Variants in GPR158 observed in about 807,000 individuals in gnomAD.
GPR158 encodes metabotropic glycine receptor.
A neutral mutation model predicts 78.2 loss-of-function variants in GPR158; 30 were observed. That is an observed-to-expected ratio of 0.38 (90% CI 0.29 to 0.52). GPR158 has a LOEUF of 0.52. GPR158 is among the 20% of genes least tolerant of loss of function. The pLI, the probability that GPR158 is intolerant of heterozygous loss-of-function variation, is 0.83. For synonymous variants in GPR158, 581 were observed against 591.1 expected (o/e 0.98, Z 0.25); for missense variants, 1,463 against 1,523.5 (o/e 0.96, Z 0.66).
At position 25,450,321 on chromosome 10, in the gene GPR158, T is replaced by C. The variant is rs1835197761; in HGVS notation, c.1336-16330T>C. Among the ~76,000 whole-genome samples, 3 of 150,804 alleles carry C rather than the reference T, an allele frequency of 2.0e-5. No homozygotes were observed. In the South Asian group the frequency reaches 6.3e-4, roughly 32 times the overall value. On this transcript the variant is annotated intron_variant, in intron 4 of 10. Coordinates refer to ENST00000376351, the MANE Select transcript of GPR158 (RefSeq NM_020752.3). ...GAGCTGAGGGGCAAGCCGGGGCTGT[T>C]CTGTGCTGAAGATGCTCTCCATCTT...
intron 4 of GPR158, among the ~76,000 whole-genome samples, chr10:25,425,177 G>T (rs1020220415): frequency 1.3e-5 from 2 of 151,908 alleles, no homozygotes; most frequent in East Asian, 1.9e-4. Flanking sequence ...TTGGCTGTCT[G>T]TTTGTCTGTT....
chr10:25,310,803 T>A (rs1854753120), intron 2 of GPR158, among the ~76,000 whole-genome samples: 1 of 152,074 alleles, frequency 6.6e-6, no homozygotes, highest in Non-Finnish European at 1.5e-5. Flanking sequence ...CTACAACCAG[T>A]TTATGCTAGA....
intron 4 of GPR158, among the ~76,000 whole-genome samples, chr10:25,424,514 T>A (rs1242380360): frequency 6.6e-6 from 1 of 151,404 alleles, no homozygotes; most frequent in African/African-American, 2.4e-5. Flanking sequence ...TTTATGGTTT[T>A]AGGTCTAACA....
intron 2 of GPR158, among the ~76,000 whole-genome samples, chr10:25,233,025 T>C (rs572280404): frequency 1.3e-5 from 2 of 152,262 alleles, no homozygotes; most frequent in Admixed American, 1.3e-4. Context: ...ATGGAGAATA[T>C]TTAGAGCAGT....
At chr10:25,341,835 A>AAAAAAC (rs148411420) in intron 2 of GPR158, among the ~76,000 whole-genome samples, 3 of 151,596 alleles carry the variant, frequency 2.0e-5, no homozygotes, top group Non-Finnish European at 2.9e-5. Context: ...GTATTCTGAA[A>AAAAAAC]AAAAACAAAA....
At chr10:25,367,093 C>T (rs1159400027) in intron 2 of GPR158, among the ~76,000 whole-genome samples, 5 of 151,288 alleles carry the variant, frequency 3.3e-5, no homozygotes, top group Non-Finnish European at 5.9e-5. Flanking sequence ...TGAAGTTTTT[C>T]TTCTTTGTTA....
At chr10:25,359,838 C>T (rs71495440) in intron 2 of GPR158, among the ~76,000 whole-genome samples, 15,101 of 152,214 alleles carry the variant, frequency 0.099, 1,853 homozygotes, top group African/African-American at 0.3. Flanking sequence ...AATCACCACA[C>T]TGTCTTTCAC....
At chr10:25,315,258 C>A (rs563684429) in intron 2 of GPR158, among the ~76,000 whole-genome samples, 1 of 152,130 alleles carries the variant, frequency 6.6e-6, no homozygotes, top group East Asian at 1.9e-4. Context: ...TCTTGCATAT[C>A]TTGTCATTTC....
chr10:25,402,114 TG>T (rs1005710908), intron 3 of GPR158, among the ~76,000 whole-genome samples: 2 of 152,146 alleles, frequency 1.3e-5, no homozygotes, highest in African/African-American at 4.8e-5. Context: ...ACTGACTCTT[TG>T]TGCCTCCTGG....
chr10:25,271,312 A>G (rs1361042778), intron 2 of GPR158, among the ~76,000 whole-genome samples: 2 of 152,206 alleles, frequency 1.3e-5, no homozygotes, highest in Non-Finnish European at 2.9e-5. Context: ...TATTTATGCA[A>G]TGATTTTTAC....
chr10:25,188,061 G>A (rs1189097697), intron 1 of GPR158, among the ~76,000 whole-genome samples: 6 of 152,088 alleles, frequency 3.9e-5, no homozygotes, highest in Non-Finnish European at 7.3e-5. Context: ...AAATACCTAG[G>A]AATCCAACTT....
At chr10:25,232,596 G>A (rs868729342) in intron 2 of GPR158, among the ~76,000 whole-genome samples, 2 of 152,026 alleles carry the variant, frequency 1.3e-5, no homozygotes, top group African/African-American at 4.8e-5. Context: ...TCACCAAGAC[G>A]TTTATGTGTA....
intron 5 of GPR158, among the ~76,000 whole-genome samples, chr10:25,540,672 C>G (rs1385541199): frequency 1.3e-5 from 2 of 151,782 alleles, no homozygotes; most frequent in African/African-American, 2.4e-5. Flanking sequence ...AACCATCATT[C>G]TCAGCAAACT....
intron 2 of GPR158, among the ~76,000 whole-genome samples, chr10:25,301,582 G>C (rs1300231099): frequency 2.6e-5 from 4 of 152,014 alleles, no homozygotes; most frequent in Non-Finnish European, 5.9e-5. Flanking sequence ...GGGATTGTGA[G>C]GAATTTGTGA....
At chr10:25,436,720 A>G (rs1403117252) in intron 4 of GPR158, among the ~76,000 whole-genome samples, 2 of 152,190 alleles carry the variant, frequency 1.3e-5, no homozygotes, top group Non-Finnish European at 2.9e-5. Flanking sequence ...ACACATTTAT[A>G]TGATGGTTGA....
At chr10:25,574,408 A>C (rs1588919168) in intron 7 of GPR158, among the ~76,000 whole-genome samples, 1 of 152,300 alleles carries the variant, frequency 6.6e-6, no homozygotes, top group South Asian at 2.1e-4. Context: ...ACATAGATGC[A>C]TGAGAATTAT....
Position 25,528,674 on chromosome 10 carries a change from A to C in GPR158, c.1405-22302A>C, listed in dbSNP as rs925967444. ...GAGAAACACATGATGTTCATGAATT[A>C]AGTGGTGTCAGTTCTCTTCAAATTG... On this transcript the variant is annotated intron_variant, in intron 5 of 10. Transcript: ENST00000376351. Among the ~76,000 whole-genome samples the C allele has an allele frequency of 3.3e-5, 5 of 152,340 alleles. 1 individual carries two copies. Among genetic ancestry groups the C allele is most frequent in the Non-Finnish European group, 5.9e-5 (4 of 68,018 alleles).
At chr10:25,496,519 G>A (rs1229212388) in intron 5 of GPR158, among the ~76,000 whole-genome samples, 1 of 152,228 alleles carries the variant, frequency 6.6e-6, no homozygotes, top group Non-Finnish European at 1.5e-5. Context: ...AGACTCTGGG[G>A]AGTTTTAAAG....
intron 6 of GPR158, among the ~76,000 whole-genome samples, chr10:25,570,650 G>A (rs556732218): frequency 5.9e-5 from 9 of 152,190 alleles, no homozygotes; most frequent in Non-Finnish European, 7.4e-5. Context: ...GGTGGCTCTC[G>A]CCTGTAATAA....
Sources: gnomAD v4.1 joint callset for allele counts (sites outside exome capture counted in the v4.1 genomes callset) on GRCh38, gnomAD v4.1.1 for gene constraint, MANE v1.5 for transcripts, NCBI Gene and HGNC (gene_info 2026-07-23, HGNC 2026-07-21) for gene names.